Variants in WDR35 observed in about 807,000 individuals in gnomAD.
WDR35 encodes WD repeat domain 35.
In WDR35, 118 loss-of-function variants were observed where a neutral mutation model predicts 158.3. That is an observed-to-expected ratio of 0.75 (90% CI 0.64 to 0.87). The LOEUF (loss-of-function observed/expected upper bound fraction) is 0.87. WDR35 is among the 40% of genes least tolerant of loss of function. The pLI is 0.00. For synonymous variants in WDR35, 448 were observed against 476.1 expected, an observed-to-expected ratio of 0.94 and a Z score of 0.77; for missense variants, 1,263 against 1,405.8, an observed-to-expected ratio of 0.90 and a Z score of 1.62.
At chr2:19,918,092 A>T (rs1670045565) in intron 25 of WDR35, among the ~76,000 whole-genome samples, 1 of 152,250 alleles carries the variant, frequency 6.6e-6, no homozygotes, top group Non-Finnish European at 1.5e-5. Context: ...AATATTCAAC[A>T]TTCTTAAAGA....
At chr2:19,948,503 G>A (rs1671130204) in intron 13 of WDR35, among the ~76,000 whole-genome samples, 1 of 152,144 alleles carries the variant, frequency 6.6e-6, no homozygotes, top group African/African-American at 2.4e-5. Context: ...CAGAGGTTAT[G>A]ACAGTGCAGA....
intron 16 of WDR35, among the ~76,000 whole-genome samples, chr2:19,943,256 TACA>T (rs977519393): frequency 5.9e-5 from 9 of 152,128 alleles, no homozygotes; most frequent in Non-Finnish European, 1.2e-4. Context: ...TCAGTCACAT[TACA>T]ACGTGAAAAC....
chr2:19,930,114 T>C (rs1471732662), intron 25 of WDR35, among the ~76,000 whole-genome samples: 1 of 151,212 alleles, frequency 6.6e-6, no homozygotes, highest in Non-Finnish European at 1.5e-5. Context: ...CCAAAAAATA[T>C]GAACTTGGCT....
intron 4 of WDR35, among the ~76,000 whole-genome samples, chr2:19,979,867 CTGCCA>C (rs2103462127): frequency 6.6e-6 from 1 of 152,026 alleles, no homozygotes; most frequent in Non-Finnish European, 1.5e-5. Context: ...ATGGTATGCC[CTGCCA>C]TTTAAAACAG....
intron 25 of WDR35, among the ~76,000 whole-genome samples, chr2:19,918,844 A>G (rs1035455905): frequency 2.6e-5 from 4 of 152,222 alleles, no homozygotes; most frequent in Non-Finnish European, 4.4e-5. Context: ...TCAACAAGAC[A>G]GAAAATTAAC....
At chr2:19,932,229 A>G in intron 23 of WDR35, 54 bp downstream of exon 23, 1 of 1,603,960 alleles carries the variant, frequency 6.2e-7, no homozygotes, top group Non-Finnish European at 8.5e-7. Context: ...TCTTTCATAT[A>G]TTAAAATATT....
chr2:19,984,242 C>T (rs966722505), intron 2 of WDR35, among the ~76,000 whole-genome samples: 2 of 152,066 alleles, frequency 1.3e-5, no homozygotes, highest in African/African-American at 4.8e-5. Flanking sequence ...CATCTGAAAA[C>T]GTCTCTTGCT....
intron 11 of WDR35, among the ~76,000 whole-genome samples, chr2:19,957,725 G>A (rs1338772260): frequency 6.6e-6 from 1 of 151,974 alleles, no homozygotes; most frequent in Non-Finnish European, 1.5e-5. Flanking sequence ...GCTAATTTTC[G>A]TATTTTTAGT....
chr2:19,974,333 C>T (rs1039364693), intron 7 of WDR35, 135 bp downstream of exon 7: 13 of 864,106 alleles, frequency 1.5e-5, no homozygotes, highest in Admixed American at 2.9e-5. Context: ...CGCTTGAACC[C>T]GGGAGGCAGA....
chr2:19,985,580 T>TAAA lies in WDR35; in HGVS notation c.143-3049_143-3047dup, dbSNP rs532102922. On this transcript the variant is annotated intron_variant, in intron 2 of 26. Coordinates refer to ENST00000281405, the MANE Select transcript of WDR35 (RefSeq NM_020779.4). ...AGGAAATGACATCATCTGGTCCCTTTAAAAAAAAAAAAAAAAAAAAGGGCC... is the reference window on the plus strand; with the variant it reads ...AGGAAATGACATCATCTGGTCCCTTTAAAAAAAAAAAAAAAAAAAAAAAGGGCC... Among the ~76,000 whole-genome samples the TAAA allele has an allele frequency of 2.6e-5, 3 of 116,524 alleles. No individual in the cohort carries two copies. In the Admixed American group the frequency reaches 2.6e-4, roughly 10 times the overall value. The allele number at this position is 116,524 out of a possible 152,430, so 76.4% of individuals were successfully genotyped here. A position where few individuals can be genotyped will look rare whatever the true frequency, so the allele number is the denominator to read the frequency against.
chr2:19,960,628 A>G lies in WDR35; in HGVS notation c.1195-14T>C. ...AACTAGTACAAACTGTGAACAAATA[A>G]AACAAAAAGTATCAGAACTCCTGCT... On this transcript the variant is annotated splice_polypyrimidine_tract_variant and intron_variant, in intron 10 of 26. Transcript: ENST00000281405. 1 of 1,592,050 alleles carries G rather than the reference A, an allele frequency of 6.3e-7. No homozygotes were observed. The highest frequency in any genetic ancestry group is 8.6e-7 in the Non-Finnish European group (1 of 1,161,520).
chr2:19,966,951 G>A (rs776251029), intron 9 of WDR35, 42 bp from the exon 10 acceptor site: 2 of 1,590,078 alleles, frequency 1.3e-6, no homozygotes, highest in South Asian at 1.1e-5. Context: ...GATTGAAAGG[G>A]AGAAGAATTA....
chr2:19,950,269 G>A (rs1361308023), intron 13 of WDR35, among the ~76,000 whole-genome samples: 1 of 151,996 alleles, frequency 6.6e-6, no homozygotes, highest in Non-Finnish European at 1.5e-5. Context: ...GAAAAAAGTA[G>A]TCATTAAAAA....
In WDR35 at chr2:19,975,599, G is replaced by A; in HGVS notation, c.501C>T (p.Asp167=). The stretch of plus-strand genomic sequence containing the variant: ...CCATTCCAAAAAGTAAGACTTTACT[G>A]TCCGCAGACCATGTTACATGGGATA... The part of the protein sequence containing the change: ...IQLSHVTWSA[D]SKVLLFGMAN... The change falls in exon 6 of 27, where the codon GAC becomes GAT. Residue 167 remains aspartate, a synonymous_variant. Transcript: ENST00000281405. 6.2e-7 allele frequency: 1 copy of A among 1,614,020 alleles called. No individual in the cohort carries two copies. The highest frequency in any genetic ancestry group is 8.5e-7 in the Non-Finnish European group (1 of 1,179,970).
intron 9 of WDR35, among the ~76,000 whole-genome samples, chr2:19,967,440 G>C (rs991874972): frequency 1.3e-5 from 2 of 152,000 alleles, no homozygotes; most frequent in African/African-American, 2.4e-5. Context: ...TAGAATGGTC[G>C]TGTACAACTA....
chr2:19,928,973 A>AT (rs1248120006), intron 25 of WDR35, among the ~76,000 whole-genome samples: 1 of 151,950 alleles, frequency 6.6e-6, no homozygotes, highest in East Asian at 1.9e-4. Context: ...CACCCAGCTG[A>AT]TTTTTTTGTA....
At position 19,914,384 on chromosome 2, in the gene WDR35, G is replaced by C. The variant is rs944868721; in HGVS notation, c.3122-107C>G. 5.6e-6 allele frequency: 8 copies of C among 1,431,248 alleles called. No individual in the cohort carries two copies. In the East Asian group the frequency reaches 1.7e-4, roughly 30 times the overall value. 88.7% of individuals were successfully genotyped at this position (1,431,248 alleles called of 1,614,324 possible). A position where few individuals can be genotyped will look rare whatever the true frequency, so the allele number is the denominator to read the frequency against. Reference sequence around the variant, plus strand: ...GTGATTTCATTGAACTTGCATGAACGAACTGAAAGCAAACAGTGTTGAGAG... The same window carrying C: ...GTGATTTCATTGAACTTGCATGAACCAACTGAAAGCAAACAGTGTTGAGAG... On this transcript the variant is annotated intron_variant, in intron 25 of 26. Coordinates refer to ENST00000281405, the MANE Select transcript of WDR35 (RefSeq NM_020779.4).
intron 8 of WDR35, 65 bp from the exon 9 acceptor site, chr2:19,969,670 T>C (rs1671972298): frequency 1.3e-6 from 2 of 1,534,994 alleles, no homozygotes; most frequent in Non-Finnish European, 1.8e-6. Flanking sequence ...TTACCACCAA[T>C]CACTTCACAG....
intron 13 of WDR35, among the ~76,000 whole-genome samples, chr2:19,950,222 G>C (rs531996293): frequency 4.7e-4 from 72 of 152,156 alleles, no homozygotes; most frequent in Admixed American, 2.7e-3. Context: ...AAAAGCCAGA[G>C]ATAAAACCAG....
Sources: gnomAD v4.1 joint callset for allele counts (sites outside exome capture counted in the v4.1 genomes callset) on GRCh38, gnomAD v4.1.1 for gene constraint, MANE v1.5 for transcripts, NCBI Gene and HGNC (gene_info 2026-07-23, HGNC 2026-07-21) for gene names.